The following IL27RA variants were observed in gnomAD, a reference collection of about 807,000 sequenced individuals.
IL27RA encodes the protein interleukin 27 receptor subunit alpha.
In IL27RA, 61 loss-of-function variants were observed where a neutral mutation model predicts 80.8. The observed-to-expected ratio is 0.76, with a 90% CI of 0.61 to 0.93. The LOEUF (loss-of-function observed/expected upper bound fraction) is 0.93. IL27RA is among the 40% of genes least tolerant of loss of function. The pLI, the probability that IL27RA is intolerant of heterozygous loss-of-function variation, is 0.00. For missense variants in IL27RA, 735 were observed against 808.1 expected (o/e 0.91, Z 1.10); for synonymous variants, 316 against 332.5 (o/e 0.95, Z 0.54).
chr19:14,034,354 T>C (rs1398602199), intron 2 of IL27RA, among the ~76,000 whole-genome samples: 1 of 151,842 alleles, frequency 6.6e-6, no homozygotes, highest in East Asian at 1.9e-4. Flanking sequence ...CTTTTTAATA[T>C]TAATGGTTAA....
At position 14,032,476 on chromosome 19, in the gene IL27RA, C is replaced by T. The variant is rs1215713216; in HGVS notation, c.191C>T (p.Ser64Phe). Reference protein sequence around the residue: ...WEPLGDLGAPSELHLQSQKYR... With the variant: ...WEPLGDLGAPFELHLQSQKYR... Reference sequence around the variant, plus strand: ...CCTCTTGGGGACCTGGGAGCCCCCTCCGAGTTACACCTCCAGAGCCAAAAG... The same window carrying T: ...CCTCTTGGGGACCTGGGAGCCCCCTTCGAGTTACACCTCCAGAGCCAAAAG... Residue 64 changes from serine (S) to phenylalanine (F), a missense_variant, in exon 2 of 14, where the codon TCC becomes TTC. By Grantham distance (155) the Ser-to-Phe change is radical. Transcript: ENST00000263379. The T allele has an allele frequency of 6.2e-7, 1 of 1,613,404 alleles. No individual in the cohort carries two copies. The highest frequency in any genetic ancestry group is 1.7e-5 in the Admixed American group (1 of 59,950).
rs185614483 is a variant in IL27RA, at chr19:14,033,676, A to C, written c.218+1173A>C. Among the ~76,000 whole-genome samples the C allele has an allele frequency of 3.2e-5, 4 of 126,000 alleles. No individual in the cohort carries two copies. The South Asian group carries it at 1.0e-3, about 32-fold the overall frequency. 82.7% of individuals were successfully genotyped at this position (126,000 alleles called of 152,430 possible). ...TGAGACTCTGTCTCAAAAAAATTTT[A>C]AAAAATAAAAGCTGGCGTGGTGGCT... On this transcript the variant is annotated intron_variant, in intron 2 of 13. Coordinates refer to ENST00000263379, the MANE Select transcript of IL27RA (RefSeq NM_004843.4).
intron 2 of IL27RA, among the ~76,000 whole-genome samples, chr19:14,032,819 A>G (rs1599544869): frequency 6.8e-6 from 1 of 146,804 alleles, no homozygotes; most frequent in Admixed American, 6.9e-5. Flanking sequence ...AAAAAAAAAA[A>G]AAAAAAAGAA....
In IL27RA at chr19:14,046,446, C is replaced by G; in HGVS notation, c.969C>G (p.Pro323=). The G allele has an allele frequency of 6.2e-7, 1 of 1,614,136 alleles. No individual in the cohort carries two copies. The highest frequency in any genetic ancestry group is 8.5e-7 in the Non-Finnish European group (1 of 1,180,024). Residue 323 remains proline (P), a synonymous_variant, in exon 8 of 14, where the codon CCC becomes CCG. Transcript: ENST00000263379. ...ACCCTCCAGATTCAGCCTCTGCCCC[C>G]CGTAGCGTGGCAGTCAGCAGCATCG... ...SLVCLDSASA[P]RSVAVSSIAG... is the part of the protein sequence containing the mutation.
Position 14,039,874 on chromosome 19 carries a change from C to G in IL27RA, c.498C>G (p.Phe166Leu), listed in dbSNP as rs1394969223. The change falls in exon 4 of 14, where the codon TTC becomes TTG. Residue 166 changes from phenylalanine to leucine, a missense_variant. By Grantham distance (22) the Phe-to-Leu change is conservative. Coordinates refer to ENST00000263379, the MANE Select transcript of IL27RA (RefSeq NM_004843.4). ...WPSHKVLICQ[F>L]HYRRCQEAAW... ...CTCATAAAGTTCTGATCTGCCAGTTCCACTACCGAAGATGTCAGGAGGCGG... is the reference window on the plus strand; with the variant it reads ...CTCATAAAGTTCTGATCTGCCAGTTGCACTACCGAAGATGTCAGGAGGCGG... 4 of 1,614,000 alleles carry G rather than the reference C, an allele frequency of 2.5e-6. No individual in the cohort carries two copies. In the African/African-American group the frequency reaches 5.3e-5, roughly 22 times the overall value.
chr19:14,043,811 G>T (rs1326139109), intron 6 of IL27RA, among the ~76,000 whole-genome samples: 1 of 151,550 alleles, frequency 6.6e-6, no homozygotes, highest in Admixed American at 6.6e-5. Context: ...ACTTTGAGAG[G>T]CTCAGGTGGG....
intron 2 of IL27RA, among the ~76,000 whole-genome samples, chr19:14,036,007 G>A (rs746224455): frequency 6.6e-6 from 1 of 150,512 alleles, no homozygotes; most frequent in East Asian, 1.9e-4. Flanking sequence ...TTGGGAGGCC[G>A]AGGCAGAAGG....
intron 6 of IL27RA, among the ~76,000 whole-genome samples, chr19:14,044,210 CCTT>C: frequency 6.6e-6 from 1 of 152,050 alleles, no homozygotes; most frequent in African/African-American, 2.4e-5. Context: ...TGGTTTTCCA[CCTT>C]CTTAGACCAC....
chr19:14,048,655 C>T (rs1976106953), intron 8 of IL27RA, among the ~76,000 whole-genome samples: 1 of 152,164 alleles, frequency 6.6e-6, no homozygotes, highest in Non-Finnish European at 1.5e-5. Context: ...AGGAACAGCC[C>T]TCAGCATGAC....
intron 6 of IL27RA, among the ~76,000 whole-genome samples, chr19:14,045,120 C>CAAA (rs35398034): frequency 1.4e-4 from 13 of 94,590 alleles, no homozygotes; most frequent in Non-Finnish European, 2.5e-4. Context: ...ACTCTGTCTC[C>CAAA]AAAAAAAAAA....
At chr19:14,042,001 C>T (rs1009223981) in intron 4 of IL27RA, among the ~76,000 whole-genome samples, 7 of 152,032 alleles carry the variant, frequency 4.6e-5, no homozygotes, top group African/African-American at 1.7e-4. Flanking sequence ...GAGATCGAGA[C>T]CATCTTGGCC....
Position 14,042,612 on chromosome 19 carries a change from G to C in IL27RA, c.694G>C (p.Ala232Pro). 6.2e-7 allele frequency: 1 copy of C among 1,614,092 alleles called. No homozygotes were observed. The highest frequency in any genetic ancestry group is 1.7e-5 in the Admixed American group (1 of 59,982). The change falls in exon 5 of 14, where the codon GCT (alanine) becomes CCT (proline). Residue 232 changes from alanine to proline, a missense_variant and splice_region_variant. Transcript: ENST00000263379. Reference protein sequence around the residue: ...PILSFQTPPSAPKDVWVSGNL... With the variant: ...PILSFQTPPSPPKDVWVSGNL... ...TTTGTCCTTCCAGACACCGCCTTCT[G>C]GTGAGGATATCTGGGCTTGCCCTCA...
intron 6 of IL27RA, among the ~76,000 whole-genome samples, chr19:14,044,423 A>G (rs1445465088): frequency 6.6e-6 from 1 of 151,982 alleles, no homozygotes; most frequent in Non-Finnish European, 1.5e-5. Context: ...TATTTTTAGT[A>G]GAGACGAGGT....
rs1390272156 is a variant in IL27RA at position 14,053,033 on chromosome 19, G to A, written c.*743G>A. The A allele has an allele frequency of 6.6e-6, 1 of 152,278 alleles. No homozygotes were observed. The allele number at this position is 152,278 out of a possible 1,614,324, so 9.4% of individuals were successfully genotyped here. A position where few individuals can be genotyped will look rare whatever the true frequency, so the allele number is the denominator to read the frequency against. ...TCAGAAGTGACATATGCCAACACGG[G>A]GTCTGGGTGGGGGCTCCCCCACATC... On this transcript the variant is annotated 3_prime_UTR_variant, in exon 14 of 14. Coordinates refer to ENST00000263379, the MANE Select transcript of IL27RA (RefSeq NM_004843.4).
intron 10 of IL27RA, among the ~76,000 whole-genome samples, chr19:14,050,178 G>A (rs1388163965): frequency 1.3e-5 from 2 of 151,710 alleles, no homozygotes; most frequent in African/African-American, 4.8e-5. Context: ...TCTAAGCAGT[G>A]TATGAGATGG....
chr19:14,039,717 G>A (rs752595176), intron 3 of IL27RA, 36 bp from the exon 4 acceptor site: 1 of 1,610,482 alleles, frequency 6.2e-7, no homozygotes, highest in African/African-American at 1.3e-5. Context: ...CTCTTGGAGG[G>A]CGTGGCTCAC....
At chr19:14,038,491 T>G (rs1030548665) in intron 2 of IL27RA, among the ~76,000 whole-genome samples, 3 of 150,000 alleles carry the variant, frequency 2.0e-5, no homozygotes, top group African/African-American at 7.4e-5. Context: ...GGCAGGAGGA[T>G]TGCTTGAGCC....
intron 6 of IL27RA, among the ~76,000 whole-genome samples, chr19:14,044,539 G>A (rs1027244129): frequency 6.6e-6 from 1 of 151,694 alleles, no homozygotes; most frequent in Non-Finnish European, 1.5e-5. Flanking sequence ...GTGCCTGGCC[G>A]ATATTTTAAA....
chr19:14,042,916 T>C (rs10411023), intron 6 of IL27RA, 127 bp downstream of exon 6: 1 of 828,330 alleles, frequency 1.2e-6, no homozygotes. Context: ...CCGAGGAGGG[T>C]GGATCACTTG....
Sources: gnomAD v4.1 joint callset for allele counts (sites outside exome capture counted in the v4.1 genomes callset) on GRCh38, gnomAD v4.1.1 for gene constraint, MANE v1.5 for transcripts, NCBI Gene and HGNC (gene_info 2026-07-23, HGNC 2026-07-21) for gene names.